Variants in SYK observed in about 807,000 individuals in gnomAD.
SYK encodes the protein spleen associated tyrosine kinase.
Under a neutral mutation model 77.8 loss-of-function variants are expected in SYK, and 16 were observed. The ratio of observed to expected loss-of-function variants is 0.21; its 90% CI spans 0.14 to 0.31. The LOEUF (loss-of-function observed/expected upper bound fraction) is 0.31, where lower values mean the gene tolerates loss of function less well. Among genes scored for constraint, SYK ranks in the 10% least tolerant of loss-of-function variants. The pLI, the probability that SYK is intolerant of heterozygous loss-of-function variation, is 1.00. For missense variants in SYK, 529 were observed against 814.4 expected, an observed-to-expected ratio of 0.65 and a Z score of 4.26; for synonymous variants, 312 against 308.7, an observed-to-expected ratio of 1.01 and a Z score of -0.11.
rs1828964074 is a variant in SYK at position 90,895,882 on chromosome 9, G to C, written c.*282G>C. On this transcript the variant is annotated 3_prime_UTR_variant, in exon 14 of 14. Transcript: ENST00000375754. The surrounding 1 kb of genome is among the most constrained non-coding windows in gnomAD (Gnocchi z 4.4). ...TTCATACAGGTTATTTTTACGATCTGTTTCCAAATCCCTTTCATGTCTTTC... is the reference window on the plus strand; with the variant it reads ...TTCATACAGGTTATTTTTACGATCTCTTTCCAAATCCCTTTCATGTCTTTC... 2.4e-6 allele frequency: 1 copy of C among 425,178 alleles called. No homozygotes were observed. Among genetic ancestry groups the C allele is most frequent in the South Asian group, 3.0e-5 (1 of 33,278 alleles). 26.3% of individuals were successfully genotyped at this position (425,178 alleles called of 1,614,324 possible).
At chr9:90,884,162 C>CACAT (rs1205118353) in intron 11 of SYK, among the ~76,000 whole-genome samples, 1 of 48,376 alleles carries the variant, frequency 2.1e-5, no homozygotes, top group Non-Finnish European at 3.5e-5. Context: ...TGTATATATA[C>CACAT]ACACATACAC....
chr9:90,809,479 G>A, intron 1 of SYK, among the ~76,000 whole-genome samples: 1 of 152,228 alleles, frequency 6.6e-6, no homozygotes, highest in Admixed American at 6.5e-5. Flanking sequence ...CCTGTCAGCA[G>A]CTCAGGAAAG....
chr9:90,837,464 A>G (rs2118563095), intron 1 of SYK, among the ~76,000 whole-genome samples: 1 of 152,152 alleles, frequency 6.6e-6, no homozygotes, highest in Admixed American at 6.5e-5. Context: ...CTCTGAGTAA[A>G]GGCCTGAGAA....
intron 3 of SYK, among the ~76,000 whole-genome samples, chr9:90,857,993 C>T (rs144242628): frequency 3.9e-5 from 6 of 152,322 alleles, no homozygotes; most frequent in African/African-American, 1.2e-4. Context: ...GGAATGTGCC[C>T]GGCTTTTCTG....
intron 3 of SYK, among the ~76,000 whole-genome samples, chr9:90,857,555 T>C (rs911779257): frequency 2.0e-5 from 3 of 152,242 alleles, no homozygotes; most frequent in Non-Finnish European, 2.9e-5. Context: ...TGCTCTTCTT[T>C]GTGTGGAATG....
chr9:90,847,046 G>A lies in SYK; in HGVS notation c.578+1452G>A, dbSNP rs114492956. ...TGGCCACGAAGCTGTTTCTTTTTTC[G>A]GAGTTGTCTATTCCCGAAAACAGCA... On this transcript the variant is annotated intron_variant, in intron 3 of 13. Transcript: ENST00000375754. 4.5e-3 allele frequency among the ~76,000 whole-genome samples: 685 copies of A among 152,236 alleles called. 4 individuals carry two copies. The highest frequency in any genetic ancestry group is 0.015 in the African/African-American group (643 of 41,540).
intron 10 of SYK, among the ~76,000 whole-genome samples, chr9:90,878,391 G>A (rs1255934389): frequency 2.0e-5 from 3 of 152,148 alleles, no homozygotes; most frequent in Non-Finnish European, 4.4e-5. Flanking sequence ...TCCATGGAAG[G>A]GAGGTGTTCT....
rs557686202 is a variant in SYK at position 90,861,874 on chromosome 9, C to T, written c.579-332C>T. Among the ~76,000 whole-genome samples the T allele has an allele frequency of 8.4e-4, 128 of 152,318 alleles. 1 individual carries two copies. Among genetic ancestry groups the T allele is most frequent in the Non-Finnish European group, 1.7e-3 (115 of 68,030 alleles). Reference sequence around the variant, plus strand: ...CCCCTGTGCTCATCACCCTGAGAAGCGTCACTGCTACTGAGCACCAGGCTC... The same window carrying T: ...CCCCTGTGCTCATCACCCTGAGAAGTGTCACTGCTACTGAGCACCAGGCTC... On this transcript the variant is annotated intron_variant, in intron 3 of 13. Coordinates refer to ENST00000375754, the MANE Select transcript of SYK (RefSeq NM_003177.7).
At chr9:90,865,526 C>G (rs1827450320) in intron 6 of SYK, among the ~76,000 whole-genome samples, 1 of 152,046 alleles carries the variant, frequency 6.6e-6, no homozygotes, top group Non-Finnish European at 1.5e-5. Flanking sequence ...TCAGGCTGGT[C>G]TCAAATTCCT....
In SYK at chr9:90,864,684, C is replaced by T. The variant is rs748869722; in HGVS notation, c.796+17C>T. 6.2e-7 allele frequency: 1 copy of T among 1,607,922 alleles called. No homozygotes were observed. Among genetic ancestry groups the T allele is most frequent in the Non-Finnish European group, 8.5e-7 (1 of 1,174,340 alleles). Reference sequence around the variant, plus strand: ...GCACACAGGGTGAGTTCCCAAGACACTGGAGTCTCAGTGTTTGAGGTATCA... The same window carrying T: ...GCACACAGGGTGAGTTCCCAAGACATTGGAGTCTCAGTGTTTGAGGTATCA... On this transcript the variant is annotated intron_variant, in intron 5 of 13. Coordinates refer to ENST00000375754, the MANE Select transcript of SYK (RefSeq NM_003177.7).
chr9:90,858,442 A>G (rs1827124686), intron 3 of SYK, among the ~76,000 whole-genome samples: 2 of 152,262 alleles, frequency 1.3e-5, no homozygotes. Context: ...TATTTTGTAA[A>G]TATTCAAAGG....
chr9:90,872,406 T>G (rs1369159422), intron 7 of SYK, among the ~76,000 whole-genome samples: 1 of 152,152 alleles, frequency 6.6e-6, no homozygotes, highest in African/African-American at 2.4e-5. Context: ...ATCAAAGGAG[T>G]TGAAATGACA....
chr9:90,811,904 T>A (rs1448047672), intron 1 of SYK, among the ~76,000 whole-genome samples: 1 of 145,834 alleles, frequency 6.9e-6, no homozygotes, highest in Non-Finnish European at 1.5e-5. Flanking sequence ...CCAGCCTGGG[T>A]GACAGAGCAA....
intron 1 of SYK, among the ~76,000 whole-genome samples, chr9:90,841,038 T>G (rs1255663668): frequency 1.3e-5 from 2 of 151,894 alleles, no homozygotes; most frequent in African/African-American, 4.8e-5. Flanking sequence ...TTTGTGTGTG[T>G]AGTGTGTATG....
chr9:90,876,294 A>C (rs1827925919), intron 9 of SYK, among the ~76,000 whole-genome samples: 1 of 145,918 alleles, frequency 6.9e-6, no homozygotes, highest in Non-Finnish European at 1.5e-5. Flanking sequence ...CCTCAAAAAA[A>C]AAAAAAAAAA....
chr9:90,855,539 T>C (rs1826994359), intron 3 of SYK, among the ~76,000 whole-genome samples: 1 of 152,154 alleles, frequency 6.6e-6, no homozygotes, highest in South Asian at 2.1e-4. Context: ...TTCTAGTCCT[T>C]AGCTGCATAA....
intron 11 of SYK, among the ~76,000 whole-genome samples, chr9:90,879,243 C>T (rs945001317): frequency 2.0e-5 from 3 of 152,104 alleles, no homozygotes; most frequent in African/African-American, 7.2e-5. Flanking sequence ...AATGGGATTC[C>T]TTCATTAAGT....
chr9:90,888,722 A>G, intron 13 of SYK, 95 bp downstream of exon 13: 3 of 978,902 alleles, frequency 3.1e-6, no homozygotes, highest in Non-Finnish European at 4.4e-6. Flanking sequence ...TCACCTTTTC[A>G]TGAATCAGGA....
At position 90,840,097 on chromosome 9, in the gene SYK, A is replaced by G. The variant is rs542272667; in HGVS notation, c.-41-3761A>G. 9.5e-4 allele frequency among the ~76,000 whole-genome samples: 145 copies of G among 152,314 alleles called. 3 individuals carry two copies. In the South Asian group the frequency reaches 0.027, roughly 28 times the overall value. On this transcript the variant is annotated intron_variant, in intron 1 of 13. Transcript: ENST00000375754. ...AGCAGTGGTCATGGATATGGGCAGT[A>G]AGGAACATGCACCAAGGGCGCCTGG...
Sources: allele counts gnomAD v4.1 joint callset (sites outside exome capture counted in the v4.1 genomes callset), GRCh38; gene constraint gnomAD v4.1.1; non-coding constraint Gnocchi (gnomAD v3.1); transcripts MANE v1.5; gene names NCBI Gene and HGNC (gene_info 2026-07-23, HGNC 2026-07-21).